Variants in OGFRL1 observed in about 807,000 individuals in gnomAD.
The protein encoded by OGFRL1 is opioid growth factor receptor-like protein 1.
Under a neutral mutation model 32.4 loss-of-function variants are expected in OGFRL1, and 26 were observed. The ratio of observed to expected loss-of-function variants is 0.80; its 90% CI spans 0.59 to 1.11. OGFRL1 has a LOEUF of 1.11. Among genes scored for constraint, OGFRL1 ranks in the 50% most tolerant of loss-of-function variants. OGFRL1 has a pLI of 0.00. For missense variants in OGFRL1, 521 were observed against 546.4 expected (o/e 0.95, Z 0.46); for synonymous variants, 211 against 201.2 (o/e 1.05, Z -0.41).
intron 1 of OGFRL1, chr6:71,289,548 T>TTAAAAAA (rs1765977191): frequency 2.2e-6 from 1 of 444,954 alleles, no homozygotes; most frequent in African/African-American, 5.3e-5. Context: ...GTGTTATTGG[T>TTAAAAAA]AAAAAAAAAA....
Position 71,305,376 on chromosome 6 carries a change from A to G in OGFRL1, c.*3327A>G, listed in dbSNP as rs564502029. The G allele has an allele frequency of 2.0e-5, 3 of 152,210 alleles. No individual in the cohort carries two copies. Among genetic ancestry groups the G allele is most frequent in the African/African-American group, 7.2e-5 (3 of 41,584 alleles). The allele number at this position is 152,210 out of a possible 1,614,324, so 9.4% of individuals were successfully genotyped here. A position where few individuals can be genotyped will look rare whatever the true frequency, so the allele number is the denominator to read the frequency against. On this transcript the variant is annotated 3_prime_UTR_variant, in exon 7 of 7. Transcript: ENST00000370435. ...AGAGAAAGAGTTTATAACATGAAGA[A>G]TATTGTACCATTATACATTTTCATT...
chr6:71,289,855 T>C (rs966045331), intron 1 of OGFRL1: 2 of 973,498 alleles, frequency 2.1e-6, no homozygotes, highest in African/African-American at 3.5e-5. Context: ...GGACTGAAAA[T>C]AATCAGGAAC....
Position 71,293,529 on chromosome 6 carries a change from G to A in OGFRL1, c.322-4G>A, listed in dbSNP as rs754585724. On this transcript the variant is annotated splice_polypyrimidine_tract_variant and splice_region_variant and intron_variant, in intron 2 of 6. Coordinates refer to ENST00000370435, the MANE Select transcript of OGFRL1 (RefSeq NM_024576.5). ...GGAGATTGATTTATTTTTTCCTTTAGCAGAACTTCAAAGATATCCGATATC... is the reference window on the plus strand; with the variant it reads ...GGAGATTGATTTATTTTTTCCTTTAACAGAACTTCAAAGATATCCGATATC... 6.2e-6 allele frequency: 10 copies of A among 1,609,798 alleles called. No individual in the cohort carries two copies. The South Asian group carries it at 1.1e-4, about 18-fold the overall frequency.
chr6:71,305,352 G>A lies in OGFRL1; in HGVS notation c.*3303G>A, dbSNP rs1051922035. 5 of 152,118 alleles carry A rather than the reference G, an allele frequency of 3.3e-5. No individual in the cohort carries two copies. The highest frequency in any genetic ancestry group is 1.2e-4 in the African/African-American group (5 of 41,536). The allele number at this position is 152,118 out of a possible 1,614,324, so 9.4% of individuals were successfully genotyped here. On this transcript the variant is annotated 3_prime_UTR_variant, in exon 7 of 7. Transcript: ENST00000370435. Reference sequence around the variant, plus strand: ...TTATAAGATATATTTCTGTACAGTAGAGAAAGAGTTTATAACATGAAGAAT... The same window carrying A: ...TTATAAGATATATTTCTGTACAGTAAAGAAAGAGTTTATAACATGAAGAAT...
chr6:71,301,333 T>C (rs1189369486), intron 6 of OGFRL1, 53 bp from the exon 7 acceptor site: 2 of 1,408,800 alleles, frequency 1.4e-6, no homozygotes, highest in Non-Finnish European at 1.9e-6. Flanking sequence ...TTCATTCTCC[T>C]GCCTTCCTAC....
At chr6:71,289,311 G>A (rs1765964696) in intron 1 of OGFRL1, 141 bp downstream of exon 1, 5 of 1,010,766 alleles carry the variant, frequency 4.9e-6, no homozygotes, top group Non-Finnish European at 4.7e-6. Context: ...TCCGCGCCGC[G>A]GCTGACCTGT....
Position 71,307,079 on chromosome 6 carries a change from C to T in OGFRL1, c.*5030C>T, listed in dbSNP as rs539355751. ...TTCAGTTATTTGAGGGAAATAACCT[C>T]TTAATATGTTTATTTTCCTGAACTA... On this transcript the variant is annotated 3_prime_UTR_variant, in exon 7 of 7. Transcript: ENST00000370435. 6.6e-6 allele frequency: 1 copy of T among 152,222 alleles called. No homozygotes were observed. Among genetic ancestry groups the T allele is most frequent in the East Asian group, 1.9e-4 (1 of 5,180 alleles). The allele number at this position is 152,222 out of a possible 1,614,324, so 9.4% of individuals were successfully genotyped here.
chr6:71,300,394 A>G (rs1157526588), intron 6 of OGFRL1, among the ~76,000 whole-genome samples: 2 of 152,168 alleles, frequency 1.3e-5, no homozygotes, highest in African/African-American at 2.4e-5. Context: ...CAGTAATGGC[A>G]TTAGTTTTGT....
rs567112388 is a variant in OGFRL1, at chr6:71,301,602, C to T, written c.909C>T (p.His303=). ...RRKLLRFAQK[H]YTPSENFIWG... is the part of the protein sequence containing the mutation. ...AGCTCCTGCGGTTCGCCCAGAAACA[C>T]TACACGCCTTCAGAGAACTTTATCT... is the stretch of plus-strand genomic sequence containing the variant. Residue 303 remains histidine (H), a synonymous_variant, in exon 7 of 7, where the codon CAC becomes CAT. Transcript: ENST00000370435. 53 of 1,614,166 alleles carry T rather than the reference C, an allele frequency of 3.3e-5. No homozygotes were observed. The South Asian group carries it at 5.8e-4, about 18-fold the overall frequency.
chr6:71,289,575 A>G lies in OGFRL1; in HGVS notation c.234+405A>G, dbSNP rs1765979252. ...AAAAAAAAAAAAAAAAAAAAAAAAAAAAAAATTACTCAGAATAAGGTGGGG... is the reference window on the plus strand; with the variant it reads ...AAAAAAAAAAAAAAAAAAAAAAAAAGAAAAATTACTCAGAATAAGGTGGGG... On this transcript the variant is annotated intron_variant, in intron 1 of 6. Coordinates refer to ENST00000370435, the MANE Select transcript of OGFRL1 (RefSeq NM_024576.5). 3 of 968,918 alleles carry G rather than the reference A, an allele frequency of 3.1e-6. No homozygotes were observed. The African/African-American group carries it at 5.4e-5, about 17-fold the overall frequency. The allele number at this position is 968,918 out of a possible 1,614,324, so 60.0% of individuals were successfully genotyped here.
At chr6:71,300,245 A>C (rs1317169021) in intron 6 of OGFRL1, among the ~76,000 whole-genome samples, 1 of 152,238 alleles carries the variant, frequency 6.6e-6, no homozygotes, top group Non-Finnish European at 1.5e-5. Flanking sequence ...GGCTGTTGAC[A>C]ACACCTATGA....
rs1766112718 is a variant in OGFRL1 at position 71,293,542 on chromosome 6, G to T, written c.331G>T (p.Asp111Tyr). The T allele has an allele frequency of 4.3e-6, 7 of 1,612,344 alleles. No individual in the cohort carries two copies. Among genetic ancestry groups the T allele is most frequent in the Non-Finnish European group, 5.9e-6 (7 of 1,178,936 alleles). Residue 111 changes from aspartate to tyrosine, a missense_variant, in exon 3 of 7, where the codon GAT becomes TAT. Asp to Tyr is a radical substitution (Grantham distance 160, BLOSUM62 -3). Transcript: ENST00000370435. Reference sequence around the variant, plus strand: ...TTTTTTCCTTTAGCAGAACTTCAAAGATATCCGATATCAAAATGACTTGAG... The same window carrying T: ...TTTTTTCCTTTAGCAGAACTTCAAATATATCCGATATCAAAATGACTTGAG... ...KYRHQYPNFK[D>Y]IRYQNDLSNL... is the part of the protein sequence containing the mutation.
chr6:71,288,988 G>C lies in OGFRL1; in HGVS notation c.52G>C (p.Asp18His). Residue 18 changes from aspartate to histidine, a missense_variant, in exon 1 of 7, where the codon GAC (aspartate) becomes CAC (histidine). Asp to His is a moderately conservative substitution (Grantham distance 81). Transcript: ENST00000370435. ...VSFREPTTVEDCDSTWQTDSE... is the reference protein window; with the variant it reads ...VSFREPTTVEHCDSTWQTDSE... ...CTTCCGCGAGCCCACCACCGTGGAGGACTGCGACTCCACCTGGCAGACCGA... is the reference window on the plus strand; with the variant it reads ...CTTCCGCGAGCCCACCACCGTGGAGCACTGCGACTCCACCTGGCAGACCGA... 1 of 1,395,244 alleles carries C rather than the reference G, an allele frequency of 7.2e-7. No individual in the cohort carries two copies. Among genetic ancestry groups the C allele is most frequent in the Non-Finnish European group, 9.4e-7 (1 of 1,058,816 alleles). The allele number at this position is 1,395,244 out of a possible 1,614,324, so 86.4% of individuals were successfully genotyped here. A position where few individuals can be genotyped will look rare whatever the true frequency, so the allele number is the denominator to read the frequency against.
intron 6 of OGFRL1, among the ~76,000 whole-genome samples, chr6:71,299,640 T>A (rs1766322067): frequency 6.6e-6 from 1 of 152,154 alleles, no homozygotes; most frequent in Admixed American, 6.5e-5. Context: ...CTTTTTCTCA[T>A]AGATATATGA....
In OGFRL1 at chr6:71,307,028, TC is replaced by T. The variant is rs752264717; in HGVS notation, c.*4981del. On this transcript the variant is annotated 3_prime_UTR_variant, in exon 7 of 7. Coordinates refer to ENST00000370435, the MANE Select transcript of OGFRL1 (RefSeq NM_024576.5). ...AGAGAGTGTTCTTTGTCATTTTTTTTCCTATTCTGTTGTGAAGTTTATTGTT... is the reference window on the plus strand; with the variant it reads ...AGAGAGTGTTCTTTGTCATTTTTTTTCTATTCTGTTGTGAAGTTTATTGTT... 6 of 152,210 alleles carry T rather than the reference TC, an allele frequency of 3.9e-5. No individual in the cohort carries two copies. The highest frequency in any genetic ancestry group is 8.8e-5 in the Non-Finnish European group (6 of 68,036). 9.4% of individuals were successfully genotyped at this position (152,210 alleles called of 1,614,324 possible).
At chr6:71,294,164 C>G (rs571434895) in intron 3 of OGFRL1, among the ~76,000 whole-genome samples, 3 of 152,190 alleles carry the variant, frequency 2.0e-5, no homozygotes, top group Non-Finnish European at 4.4e-5. Flanking sequence ...GCCAAATACA[C>G]TTGTCTCCTT....
At chr6:71,299,366 AAACAC>A (rs1766314053) in intron 6 of OGFRL1, among the ~76,000 whole-genome samples, 1 of 152,170 alleles carries the variant, frequency 6.6e-6, no homozygotes, top group Non-Finnish European at 1.5e-5. Context: ...AATCATACTG[AAACAC>A]CCAATTGCTT....
chr6:71,293,263 A>G (rs113686444), intron 1 of OGFRL1, 30 bp from the exon 2 acceptor site: 1 of 1,567,282 alleles, frequency 6.4e-7, no homozygotes, highest in African/African-American at 1.4e-5. Flanking sequence ...TTGCGTCAAC[A>G]TGTAAACGGA....
At chr6:71,293,053 A>T (rs1212029104) in intron 1 of OGFRL1, among the ~76,000 whole-genome samples, 1 of 152,306 alleles carries the variant, frequency 6.6e-6, no homozygotes. Context: ...TTAATAATAA[A>T]GTGTTTTATT....
Sources: allele counts gnomAD v4.1 joint callset (sites outside exome capture counted in the v4.1 genomes callset), GRCh38; gene constraint gnomAD v4.1.1; transcripts MANE v1.5; gene names NCBI Gene and HGNC (gene_info 2026-07-23, HGNC 2026-07-21).